The following LRP1B variants were observed in gnomAD, a reference collection of about 807,000 sequenced individuals.
The protein encoded by LRP1B is LDL receptor related protein 1B.
In LRP1B, 217 loss-of-function variants were observed where a neutral mutation model predicts 556.6. That is an observed-to-expected ratio of 0.39 (90% CI 0.35 to 0.44). The LOEUF (loss-of-function observed/expected upper bound fraction) is 0.44, where lower values mean the gene tolerates loss of function less well. Ranked by LOEUF, LRP1B falls within the 20% of genes least tolerant of loss-of-function variation. LRP1B has a pLI of 1.00. For synonymous variants in LRP1B, 2,047 were observed against 1,865.8 expected, an observed-to-expected ratio of 1.10 and a Z score of -2.50; for missense variants, 5,053 against 5,620.8, an observed-to-expected ratio of 0.90 and a Z score of 3.23.
At chr2:141,972,569 A>G (rs1312261720) in intron 1 of LRP1B, among the ~76,000 whole-genome samples, 4 of 139,630 alleles carry the variant, frequency 2.9e-5, no homozygotes, top group Non-Finnish European at 4.6e-5. Context: ...TAAATCCACA[A>G]ACATGTGAAT....
rs11326947 is a variant in LRP1B at position 141,741,263 on chromosome 2, C to CTTTTTTTTTTTT, written c.205+69004_205+69015dup. Among the ~76,000 whole-genome samples the CTTTTTTTTTTTT allele has an allele frequency of 1.2e-4, 7 of 57,982 alleles. 1 individual carries two copies. The highest frequency in any genetic ancestry group is 2.2e-4 in the African/African-American group (3 of 13,518). 38.0% of individuals were successfully genotyped at this position (57,982 alleles called of 152,430 possible). A position where few individuals can be genotyped will look rare whatever the true frequency, so the allele number is the denominator to read the frequency against. On this transcript the variant is annotated intron_variant, in intron 2 of 90. Coordinates refer to ENST00000389484, the MANE Select transcript of LRP1B (RefSeq NM_018557.3). Reference sequence around the variant, plus strand: ...GTTATCTCTTCAGTATACTGATTTCCTTTTTTTTTTTTTTTTTTTTTTTTT... The same window carrying CTTTTTTTTTTTT: ...GTTATCTCTTCAGTATACTGATTTCCTTTTTTTTTTTTTTTTTTTTTTTTTTTTTTTTTTTTT...
At chr2:140,431,465 C>T (rs1381282916) in intron 66 of LRP1B, among the ~76,000 whole-genome samples, 14 of 152,252 alleles carry the variant, frequency 9.2e-5, no homozygotes, top group Middle Eastern at 3.4e-3. Context: ...TCCTGTTCAC[C>T]ATTCTCAACT....
chr2:140,606,029 GAGAGAGAGAGAC>G (rs1056690814), intron 41 of LRP1B, among the ~76,000 whole-genome samples: 1 of 151,970 alleles, frequency 6.6e-6, no homozygotes, highest in Non-Finnish European at 1.5e-5. Flanking sequence ...GGGGTAAAGA[GAGAGAGAGAGAC>G]AGAGAGAGAG....
intron 2 of LRP1B, among the ~76,000 whole-genome samples, chr2:141,718,507 A>G (rs957462333): frequency 2.0e-5 from 3 of 152,168 alleles, no homozygotes; most frequent in Admixed American, 6.5e-5. Context: ...TATTTAAAAA[A>G]CAAGTGAAGA....
At chr2:141,401,095 T>C (rs1490732945) in intron 3 of LRP1B, among the ~76,000 whole-genome samples, 1 of 152,224 alleles carries the variant, frequency 6.6e-6, no homozygotes, top group African/African-American at 2.4e-5. Flanking sequence ...TGTAGCATCT[T>C]GTGACCTACC....
At chr2:141,022,579 T>C (rs1443234433) in intron 11 of LRP1B, among the ~76,000 whole-genome samples, 1 of 151,958 alleles carries the variant, frequency 6.6e-6, no homozygotes, top group African/African-American at 2.4e-5. Flanking sequence ...TTATGTACGT[T>C]TGATATTTTA....
At chr2:141,445,866 AC>A (rs1442477831) in intron 3 of LRP1B, among the ~76,000 whole-genome samples, 2 of 152,142 alleles carry the variant, frequency 1.3e-5, no homozygotes, top group African/African-American at 4.8e-5. Flanking sequence ...AATAAGTGCA[AC>A]GTGGTGCTGA....
chr2:140,393,306 T>C (rs895774818), intron 66 of LRP1B, among the ~76,000 whole-genome samples: 10 of 152,090 alleles, frequency 6.6e-5, no homozygotes, highest in Non-Finnish European at 8.8e-5. Flanking sequence ...AACCAGTAGC[T>C]ACCTAAACAA....
intron 2 of LRP1B, among the ~76,000 whole-genome samples, chr2:141,685,991 T>C (rs1553448034): frequency 6.6e-6 from 1 of 152,090 alleles, no homozygotes; most frequent in Non-Finnish European, 1.5e-5. Context: ...TAACATCACA[T>C]GTTTTCATAT....
At position 142,129,576 on chromosome 2, in the gene LRP1B, TTCTCTCTTTCTC is replaced by T. The variant is rs1192330871; in HGVS notation, c.82+1060_82+1071del. 6.4e-4 allele frequency among the ~76,000 whole-genome samples: 71 copies of T among 111,158 alleles called. No homozygotes were observed. The South Asian group carries it at 9.8e-3, about 15-fold the overall frequency. 72.9% of individuals were successfully genotyped at this position (111,158 alleles called of 152,430 possible). ...GCTTGGCATTGGGATCTGGGTTTCT[TTCTCTCTTTCTC>T]TCTCTCTCTCTCTCTCTCTCTCTCT... On this transcript the variant is annotated intron_variant, in intron 1 of 90. Coordinates refer to ENST00000389484, the MANE Select transcript of LRP1B (RefSeq NM_018557.3).
intron 66 of LRP1B, among the ~76,000 whole-genome samples, chr2:140,427,270 G>A (rs905728769): frequency 6.6e-6 from 1 of 152,152 alleles, no homozygotes; most frequent in African/African-American, 2.4e-5. Flanking sequence ...TTGGTGGCAA[G>A]TCAATTGCGA....
intron 7 of LRP1B, among the ~76,000 whole-genome samples, chr2:141,094,464 A>C (rs1297985668): frequency 6.6e-6 from 1 of 152,124 alleles, no homozygotes; most frequent in East Asian, 1.9e-4. Flanking sequence ...CCGGCTTCCA[A>C]ATTTTTGAAA....
intron 7 of LRP1B, among the ~76,000 whole-genome samples, chr2:141,116,538 G>C (rs1700903539): frequency 6.6e-6 from 1 of 152,086 alleles, no homozygotes; most frequent in Non-Finnish European, 1.5e-5. Context: ...AAGTTTCCCA[G>C]TTTTAATTAC....
intron 41 of LRP1B, among the ~76,000 whole-genome samples, chr2:140,698,700 C>G (rs543104807): frequency 6.6e-6 from 1 of 152,008 alleles, no homozygotes; most frequent in Non-Finnish European, 1.5e-5. Context: ...TCATATTACA[C>G]CAACACGTGA....
intron 3 of LRP1B, among the ~76,000 whole-genome samples, chr2:141,477,275 C>G (rs1244124504): frequency 6.9e-6 from 1 of 145,184 alleles, no homozygotes. Context: ...GTAAAAATAA[C>G]CGAGTTAGAC....
chr2:142,100,809 T>A (rs1706543815), intron 1 of LRP1B, among the ~76,000 whole-genome samples: 1 of 152,018 alleles, frequency 6.6e-6, no homozygotes, highest in South Asian at 2.1e-4. Context: ...TAGATTGATC[T>A]GGGTTGTTTT....
At chr2:142,081,446 C>T (rs1460078450) in intron 1 of LRP1B, among the ~76,000 whole-genome samples, 4 of 151,842 alleles carry the variant, frequency 2.6e-5, no homozygotes, top group African/African-American at 4.8e-5. Context: ...TAGCACACTT[C>T]GAGAATCAAT....
chr2:140,855,990 A>G lies in LRP1B; in HGVS notation c.4580-4207T>C, dbSNP rs116254343. On this transcript the variant is annotated intron_variant, in intron 27 of 90. Coordinates refer to ENST00000389484, the MANE Select transcript of LRP1B (RefSeq NM_018557.3). Reference sequence around the variant, plus strand: ...ACGTGTTTCCTTTCTTTTTACCTCTACTCCTCCAACATGTTTCCAAATTCA... The same window carrying G: ...ACGTGTTTCCTTTCTTTTTACCTCTGCTCCTCCAACATGTTTCCAAATTCA... 5.0e-3 allele frequency among the ~76,000 whole-genome samples: 759 copies of G among 152,060 alleles called. 3 individuals are homozygous for G. The highest frequency in any genetic ancestry group is 9.1e-3 in the Admixed American group (138 of 15,248).
intron 7 of LRP1B, among the ~76,000 whole-genome samples, chr2:141,152,223 G>A (rs12993902): frequency 0.34 from 51,707 of 151,682 alleles, 10,805 homozygotes; most frequent in Non-Finnish European, 0.48. Flanking sequence ...AAGTTTCCTC[G>A]TCTTTAGAGT....
Sources: gnomAD v4.1 joint callset for allele counts (sites outside exome capture counted in the v4.1 genomes callset) on GRCh38, gnomAD v4.1.1 for gene constraint, MANE v1.5 for transcripts, NCBI Gene and HGNC (gene_info 2026-07-23, HGNC 2026-07-21) for gene names.